GDF2: variants seen among roughly 807,000 people sequenced by gnomAD.
GDF2 encodes growth/differentiation factor 2.
A neutral mutation model predicts 16.9 loss-of-function variants in GDF2; 17 were observed. That is an observed-to-expected ratio of 1.00 (90% CI 0.69 to 1.51). GDF2 has a LOEUF of 1.51. Ranked by LOEUF, GDF2 falls within the 40% of genes most tolerant of loss-of-function variation. The probability of loss-of-function intolerance (pLI) is 0.00; values close to 1 mark genes in which losing one functional copy is unlikely to be tolerated. For missense variants in GDF2, 523 were observed against 556.3 expected (o/e 0.94, Z 0.60); for synonymous variants, 276 against 237.6 (o/e 1.16, Z -1.49).
At position 47,322,999 on chromosome 10, in the gene GDF2, A is replaced by G. The variant is rs782006288; in HGVS notation, c.331A>G (p.Ser111Gly). The G allele has an allele frequency of 3.8e-6, 6 of 1,594,420 alleles. No homozygotes were observed. The African/African-American group carries it at 5.4e-5, about 14-fold the overall frequency. ...STTPASNIVRSFSMEDAISIT... is the reference protein window; with the variant it reads ...STTPASNIVRGFSMEDAISIT... ...TACGCCAGCGTCCAACATTGTGCGG[A>G]GCTTCAGCATGGAAGGTAGGGTCTC... Residue 111 changes from serine (S) to glycine (G), a missense_variant, in exon 1 of 2, where the codon AGC becomes GGC. Coordinates refer to ENST00000581492, the MANE Select transcript of GDF2 (RefSeq NM_016204.4).
Position 47,325,656 on chromosome 10 carries a change from G to T in GDF2, c.1162G>T (p.Val388Leu). Residue 388 changes from valine (V) to leucine (L), a missense_variant, in exon 2 of 2, where the codon GTG becomes TTG. Val to Leu is a conservative substitution (Grantham distance 32). Coordinates refer to ENST00000581492, the MANE Select transcript of GDF2 (RefSeq NM_016204.4). Reference sequence around the variant, plus strand: ...GGTGCATCTCAAGTTCCCCACAAAGGTGGGCAAGGCCTGCTGTGTGCCCAC... The same window carrying T: ...GGTGCATCTCAAGTTCCCCACAAAGTTGGGCAAGGCCTGCTGTGTGCCCAC... The part of the protein sequence containing the change: ...TLVHLKFPTK[V>L]GKACCVPTKL... The T allele has an allele frequency of 6.2e-7, 1 of 1,613,302 alleles. No individual in the cohort carries two copies. The highest frequency in any genetic ancestry group is 8.5e-7 in the Non-Finnish European group (1 of 1,179,384).
rs782179438 is a variant in GDF2, at chr10:47,327,105, C to T, written c.*1321C>T. The stretch of plus-strand genomic sequence containing the variant: ...CCCCGCCTGGGCTCGGACTGTGGGA[C>T]CAGACTCAGCCTCCCCGAACACAAG... On this transcript the variant is annotated 3_prime_UTR_variant, in exon 2 of 2. Transcript: ENST00000581492. Among the ~76,000 whole-genome samples the T allele has an allele frequency of 6.6e-6, 1 of 152,190 alleles. No individual in the cohort carries two copies. The highest frequency in any genetic ancestry group is 1.5e-5 in the Non-Finnish European group (1 of 68,040).
At position 47,324,866 on chromosome 10, in the gene GDF2, G is replaced by T; in HGVS notation, c.372G>T (p.Glu124Asp). The T allele has an allele frequency of 1.2e-6, 2 of 1,612,948 alleles. No individual in the cohort carries two copies. The highest frequency in any genetic ancestry group is 1.7e-6 in the Non-Finnish European group (2 of 1,179,790). ...MEDAISITATEDFPFQKHILL... is the reference protein window; with the variant it reads ...MEDAISITATDDFPFQKHILL... ...ATGCCATCTCCATAACTGCCACAGA[G>T]GACTTCCCCTTCCAGAAGCACATCT... Residue 124 changes from glutamate to aspartate, a missense_variant, in exon 2 of 2, where the codon GAG becomes GAT. Coordinates refer to ENST00000581492, the MANE Select transcript of GDF2 (RefSeq NM_016204.4).
Position 47,322,744 on chromosome 10 carries a change from C to T in GDF2, c.76C>T (p.Gln26Ter), listed in dbSNP as rs1555208696. Residue 26 changes from glutamine to a stop codon, truncating the protein, a stop_gained, in exon 1 of 2, where the codon CAG becomes TAG. Coordinates refer to ENST00000581492, the MANE Select transcript of GDF2 (RefSeq NM_016204.4). LOFTEE classifies it high-confidence loss of function. ...LAGSLQGKPLQSWGRGSAGGN... is the reference protein window; with the variant it reads ...LAGSLQGKPL ...TGGCTCCCTACAGGGGAAGCCACTG[C>T]AGAGCTGGGGACGAGGGTCTGCTGG... The T allele has an allele frequency of 1.9e-6, 3 of 1,609,822 alleles. No homozygotes were observed. Among genetic ancestry groups the T allele is most frequent in the Admixed American group, 3.3e-5 (2 of 59,832 alleles).
rs2061101421 is a variant in GDF2, at chr10:47,325,311, A to C, written c.817A>C (p.Arg273=). 1.2e-6 allele frequency: 2 copies of C among 1,614,056 alleles called. No homozygotes were observed. The highest frequency in any genetic ancestry group is 4.5e-5 in the East Asian group (2 of 44,890). ...SGTKETRLEL[R]EMISHEQESV... ...GACCAAGGAGACCAGGCTGGAGCTG[A>C]GGGAGATGATCAGCCATGAACAAGA... The change falls in exon 2 of 2, where the codon AGG becomes CGG. Residue 273 remains arginine, a synonymous_variant. Coordinates refer to ENST00000581492, the MANE Select transcript of GDF2 (RefSeq NM_016204.4).
chr10:47,324,770 C>T, intron 1 of GDF2, 71 bp from the exon 2 acceptor site: 1 of 1,072,508 alleles, frequency 9.3e-7, no homozygotes, highest in Non-Finnish European at 1.4e-6. Context: ...TGTCTAAACC[C>T]TGAGACTCAG....
chr10:47,324,785 A>G lies in GDF2; in HGVS notation c.347-56A>G, dbSNP rs2061097947. Reference sequence around the variant, plus strand: ...TGTCTAAACCCTGAGACTCAGCTTCAGTGTCATGGAAACAGACCCTCCAGC... The same window carrying G: ...TGTCTAAACCCTGAGACTCAGCTTCGGTGTCATGGAAACAGACCCTCCAGC... On this transcript the variant is annotated intron_variant, in intron 1 of 1. Coordinates refer to ENST00000581492, the MANE Select transcript of GDF2 (RefSeq NM_016204.4). The G allele has an allele frequency of 2.2e-5, 26 of 1,194,338 alleles. No individual in the cohort carries two copies. The South Asian group carries it at 3.3e-4, about 15-fold the overall frequency. 74.0% of individuals were successfully genotyped at this position (1,194,338 alleles called of 1,614,324 possible).
rs2061088668 is a variant in GDF2 at position 47,322,742 on chromosome 10, T to C, written c.74T>C (p.Leu25Pro). ...LLAGSLQGKPLQSWGRGSAGG... is the reference protein window; with the variant it reads ...LLAGSLQGKPPQSWGRGSAGG... ...GCTGGCTCCCTACAGGGGAAGCCAC[T>C]GCAGAGCTGGGGACGAGGGTCTGCT... Residue 25 changes from leucine (L) to proline (P), a missense_variant, in exon 1 of 2, where the codon CTG becomes CCG. Physicochemically the swap from Leu to Pro is moderately conservative, Grantham distance 98. Coordinates refer to ENST00000581492, the MANE Select transcript of GDF2 (RefSeq NM_016204.4). The C allele has an allele frequency of 2.5e-6, 4 of 1,609,692 alleles. No homozygotes were observed. Among genetic ancestry groups the C allele is most frequent in the Non-Finnish European group, 3.4e-6 (4 of 1,177,336 alleles).
At chr10:47,323,041 G>T (rs572442820) in intron 1 of GDF2, 27 bp downstream of exon 1, 2 of 1,521,578 alleles carry the variant, frequency 1.3e-6, no homozygotes, top group Admixed American at 1.7e-5. Flanking sequence ...CACCATGCGC[G>T]CTGGGGTGGG....
At position 47,322,823 on chromosome 10, in the gene GDF2, C is replaced by T. The variant is rs1565753859; in HGVS notation, c.155C>T (p.Thr52Ile). ...CCTGGAGGTGGGCTGCCTGAGCACA[C>T]CTTCAACCTGAAGATGTTTCTGGAG... The part of the protein sequence containing the change: ...GVPGGGLPEH[T>I]FNLKMFLENV... Residue 52 changes from threonine (T) to isoleucine (I), a missense_variant, in exon 1 of 2, where the codon ACC (threonine) becomes ATC (isoleucine). Transcript: ENST00000581492. 5 of 1,614,036 alleles carry T rather than the reference C, an allele frequency of 3.1e-6. No individual in the cohort carries two copies. The East Asian group carries it at 8.9e-5, about 29-fold the overall frequency.
At position 47,325,482 on chromosome 10, in the gene GDF2, A is replaced by G. The variant is rs1555209057; in HGVS notation, c.988A>G (p.Thr330Ala). The G allele has an allele frequency of 1.9e-6, 3 of 1,613,544 alleles. No homozygotes were observed. Among genetic ancestry groups the G allele is most frequent in the South Asian group, 2.2e-5 (2 of 91,074 alleles). ...SAGAGSHCQK[T>A]SLRVNFEDIG... The stretch of plus-strand genomic sequence containing the variant: ...CGGGGCTGGCAGCCACTGTCAAAAG[A>G]CCTCCCTGCGGGTAAACTTCGAGGA... Residue 330 changes from threonine (T) to alanine (A), a missense_variant, in exon 2 of 2, where the codon ACC becomes GCC. Coordinates refer to ENST00000581492, the MANE Select transcript of GDF2 (RefSeq NM_016204.4).
intron 1 of GDF2, 74 bp downstream of exon 1, chr10:47,323,088 G>T (rs12252199): frequency 1.9e-6 from 2 of 1,058,278 alleles, no homozygotes; most frequent in Non-Finnish European, 2.8e-6. Context: ...CAGGGTGGAG[G>T]CCACTGGCCA....
In GDF2 at chr10:47,325,403, C is replaced by G. The variant is rs1374467068; in HGVS notation, c.909C>G (p.Asp303Glu). 1 of 1,613,912 alleles carries G rather than the reference C, an allele frequency of 6.2e-7. No individual in the cohort carries two copies. The highest frequency in any genetic ancestry group is 8.5e-7 in the Non-Finnish European group (1 of 1,180,042). The change falls in exon 2 of 2, where the codon GAC (aspartate) becomes GAG (glutamate). Residue 303 changes from aspartate (D) to glutamate (E), a missense_variant. Asp to Glu is a conservative substitution (Grantham distance 45). Transcript: ENST00000581492. ...CAGGTGAGAGCAGTCACGAGGAGGACACGGATGGCCACGTGGCTGCGGGGT... is the reference window on the plus strand; with the variant it reads ...CAGGTGAGAGCAGTCACGAGGAGGAGACGGATGGCCACGTGGCTGCGGGGT... ...TEAGESSHEE[D>E]TDGHVAAGST...
Position 47,325,481 on chromosome 10 carries a change from G to A in GDF2, c.987G>A (p.Lys329=), listed in dbSNP as rs200469402. The change falls in exon 2 of 2, where the codon AAG becomes AAA. Residue 329 remains lysine, a synonymous_variant. Coordinates refer to ENST00000581492, the MANE Select transcript of GDF2 (RefSeq NM_016204.4). ...RSAGAGSHCQ[K]TSLRVNFEDI... is the part of the protein sequence containing the mutation. ...CCGGGGCTGGCAGCCACTGTCAAAA[G>A]ACCTCCCTGCGGGTAAACTTCGAGG... 6 of 1,614,018 alleles carry A rather than the reference G, an allele frequency of 3.7e-6. No individual in the cohort carries two copies. In the African/African-American group the frequency reaches 4.0e-5, roughly 11 times the overall value.
rs2061105594 is a variant in GDF2, at chr10:47,325,949, C to T, written c.*165C>T. On this transcript the variant is annotated 3_prime_UTR_variant, in exon 2 of 2. Transcript: ENST00000581492. ...CCCACCCAAAGCATACACCGCTGAG[C>T]TCAACTGCCAGGGAAGGCTAAGGAA... The T allele has an allele frequency of 1.9e-6, 1 of 532,146 alleles. No homozygotes were observed. The highest frequency in any genetic ancestry group is 3.2e-6 in the Non-Finnish European group (1 of 310,298). The allele number at this position is 532,146 out of a possible 1,614,324, so 33.0% of individuals were successfully genotyped here. A position where few individuals can be genotyped will look rare whatever the true frequency, so the allele number is the denominator to read the frequency against.
intron 1 of GDF2, 57 bp from the exon 2 acceptor site, chr10:47,324,784 C>T (rs1565754650): frequency 2.5e-6 from 3 of 1,192,350 alleles, no homozygotes; most frequent in Non-Finnish European, 3.7e-6. Flanking sequence ...GACTCAGCTT[C>T]AGTGTCATGG....
chr10:47,324,639 T>C (rs1339774430), intron 1 of GDF2, among the ~76,000 whole-genome samples: 4 of 152,214 alleles, frequency 2.6e-5, no homozygotes, highest in African/African-American at 7.2e-5. Context: ...TCAATCCCAA[T>C]TGGAGGCATC....
chr10:47,324,867 G>C lies in GDF2; in HGVS notation c.373G>C (p.Asp125His), dbSNP rs782712960. Residue 125 changes from aspartate (D) to histidine (H), a missense_variant, in exon 2 of 2, where the codon GAC (aspartate) becomes CAC (histidine). By Grantham distance (81) the Asp-to-His change is moderately conservative. Transcript: ENST00000581492. ...TGCCATCTCCATAACTGCCACAGAG[G>C]ACTTCCCCTTCCAGAAGCACATCTT... ...EDAISITATE[D>H]FPFQKHILLF... is the part of the protein sequence containing the mutation. 14 of 1,612,954 alleles carry C rather than the reference G, an allele frequency of 8.7e-6. No individual in the cohort carries two copies. The highest frequency in any genetic ancestry group is 1.2e-5 in the Non-Finnish European group (14 of 1,179,822).
rs782751857 is a variant in GDF2, at chr10:47,325,172, G to A, written c.678G>A (p.Leu226=). The change falls in exon 2 of 2, where the codon CTG becomes CTA. Residue 226 remains leucine (L), a synonymous_variant. Coordinates refer to ENST00000581492, the MANE Select transcript of GDF2 (RefSeq NM_016204.4). ...RSDSTKSKNK[L]EVTVESHRKG... ...ACTCCACCAAGAGCAAAAATAAGCT[G>A]GAAGTGACTGTGGAGAGCCACAGGA... 8.1e-6 allele frequency: 13 copies of A among 1,613,886 alleles called. 1 individual carries two copies. In the African/African-American group the frequency reaches 1.2e-4, roughly 15 times the overall value.
Sources: gnomAD v4.1 joint callset for allele counts (sites outside exome capture counted in the v4.1 genomes callset) on GRCh38, gnomAD v4.1.1 for gene constraint, MANE v1.5 for transcripts, NCBI Gene and HGNC (gene_info 2026-07-23, HGNC 2026-07-21) for gene names.